PTPN20: variants seen among roughly 807,000 people sequenced by gnomAD.
PTPN20 encodes protein tyrosine phosphatase non-receptor type 20.
A neutral mutation model predicts 35.0 loss-of-function variants in PTPN20; 9 were observed. The ratio of observed to expected loss-of-function variants is 0.26; its 90% CI spans 0.15 to 0.45. The LOEUF is 0.45. Ranked by LOEUF, PTPN20 falls within the 20% of genes least tolerant of loss-of-function variation. PTPN20 has a pLI of 1.00. For synonymous variants in PTPN20, 32 were observed against 100.2 expected (o/e 0.32, Z 4.06); for missense variants, 111 against 312.5 (o/e 0.36, Z 4.86).
intron 2 of PTPN20, among the ~76,000 whole-genome samples, chr10:46,940,075 A>G (rs1257577290): frequency 2.0e-4 from 31 of 151,814 alleles, no homozygotes; most frequent in African/African-American, 5.3e-4. Flanking sequence ...TAAAATTAAC[A>G]CAGTAATTAG....
intron 9 of PTPN20, among the ~76,000 whole-genome samples, chr10:46,999,564 G>C (rs1370412278): frequency 1.3e-5 from 2 of 152,200 alleles, no homozygotes; most frequent in Non-Finnish European, 2.9e-5. Context: ...ATAAGAAACA[G>C]ATATGCTATT....
At chr10:46,933,834 G>T (rs1247859857) in intron 2 of PTPN20, among the ~76,000 whole-genome samples, 1 of 103,676 alleles carries the variant, frequency 9.6e-6, no homozygotes, top group South Asian at 3.6e-4. Context: ...TTTTTTTTTT[G>T]TTGTTGTTTG....
At chr10:46,948,703 CT>C (rs1182489677) in intron 5 of PTPN20, among the ~76,000 whole-genome samples, 1 of 152,028 alleles carries the variant, frequency 6.6e-6, no homozygotes, top group African/African-American at 2.4e-5. Context: ...TTTAGAAGGG[CT>C]TTCTTTCCTT....
rs922391336 is a variant in PTPN20 at position 47,001,097 on chromosome 10, A to T, written c.*356A>T. ...TTTATTTGGAAAGGTGGCTGGAGAG[A>T]GCTGAGGATTTCCAGGACTTTGTAA... is the stretch of plus-strand genomic sequence containing the variant. On this transcript the variant is annotated 3_prime_UTR_variant, in exon 11 of 11. Transcript: ENST00000374339. 7.1e-5 allele frequency: 21 copies of T among 296,476 alleles called. No individual in the cohort carries two copies. Among genetic ancestry groups the T allele is most frequent in the Non-Finnish European group, 1.1e-4 (18 of 157,050 alleles). The allele number at this position is 296,476 out of a possible 1,614,324, so 18.4% of individuals were successfully genotyped here.
intron 5 of PTPN20, among the ~76,000 whole-genome samples, chr10:46,958,911 G>C (rs1470252447): frequency 6.6e-6 from 1 of 151,700 alleles, no homozygotes; most frequent in Non-Finnish European, 1.5e-5. Flanking sequence ...TGTGATACCA[G>C]TGTTTTAAAA....
At chr10:46,953,762 A>G (rs2047561311) in intron 5 of PTPN20, among the ~76,000 whole-genome samples, 2 of 147,928 alleles carry the variant, frequency 1.4e-5, no homozygotes, top group South Asian at 2.1e-4. Flanking sequence ...GATAAGCCCA[A>G]CTTTGTGATG....
intron 9 of PTPN20, among the ~76,000 whole-genome samples, chr10:46,994,618 G>A (rs1156697749): frequency 6.6e-6 from 1 of 152,118 alleles, no homozygotes; most frequent in Admixed American, 6.5e-5. Flanking sequence ...ACAAGCGTGA[G>A]CCACCGCGCC....
At chr10:46,927,879 A>G (rs1555115089) in intron 1 of PTPN20, among the ~76,000 whole-genome samples, 1 of 151,482 alleles carries the variant, frequency 6.6e-6, no homozygotes, top group Non-Finnish European at 1.5e-5. Context: ...GAAGGAGGGA[A>G]GAAAAGAAGT....
intron 9 of PTPN20, among the ~76,000 whole-genome samples, chr10:46,995,658 C>G (rs368486981): frequency 0.12 from 18,912 of 152,064 alleles, 1,919 homozygotes; most frequent in African/African-American, 0.29. Flanking sequence ...GTTTCTGACT[C>G]TTCTCAGGGT....
At chr10:46,981,373 AC>A (rs1342279865) in intron 7 of PTPN20, 2 of 147,244 alleles carry the variant, frequency 1.4e-5, no homozygotes, top group Non-Finnish European at 3.0e-5. Context: ...GAGCTCAGCA[AC>A]ATGGACTTCC....
intron 7 of PTPN20, among the ~76,000 whole-genome samples, chr10:46,983,227 C>T (rs1162460971): frequency 6.6e-6 from 1 of 151,948 alleles, no homozygotes; most frequent in Non-Finnish European, 1.5e-5. Flanking sequence ...TAGATGTGAG[C>T]CACCGCGCCT....
chr10:46,994,730 A>G (rs1018093575), intron 9 of PTPN20, among the ~76,000 whole-genome samples: 3 of 150,352 alleles, frequency 2.0e-5, no homozygotes, highest in South Asian at 2.1e-4. Context: ...CTCTTGTTCA[A>G]CTCCCTCTTG....
intron 2 of PTPN20, 69 bp downstream of exon 2, chr10:46,932,602 G>C: frequency 6.4e-7 from 1 of 1,571,324 alleles, no homozygotes; most frequent in Admixed American, 1.7e-5. Context: ...TCAGACTGTA[G>C]ATTTGCATAG....
intron 9 of PTPN20, among the ~76,000 whole-genome samples, chr10:46,995,782 T>C: frequency 6.6e-6 from 1 of 152,190 alleles, no homozygotes; most frequent in East Asian, 1.9e-4. Context: ...GGTATAGAAA[T>C]CATGAATCAG....
chr10:47,000,156 C>T (rs1555184472), intron 10 of PTPN20, among the ~76,000 whole-genome samples, 182 bp downstream of exon 10: 1 of 152,154 alleles, frequency 6.6e-6, no homozygotes, highest in African/African-American at 2.4e-5. Flanking sequence ...AAATTCAGAG[C>T]AATAAAGCCT....
At chr10:46,990,335 T>TG (rs1413484848) in intron 9 of PTPN20, among the ~76,000 whole-genome samples, 5 of 114,870 alleles carry the variant, frequency 4.4e-5, no homozygotes, top group Non-Finnish European at 7.1e-5. Context: ...ATTGTGTCAC[T>TG]GCACTCCAGC....
At chr10:46,997,080 C>T (rs1050588347) in intron 9 of PTPN20, among the ~76,000 whole-genome samples, 13 of 152,174 alleles carry the variant, frequency 8.5e-5, no homozygotes, top group Non-Finnish European at 1.2e-4. Context: ...GATATCTTTA[C>T]TGTATTGAAT....
At chr10:46,963,571 T>G (rs1555158145) in intron 5 of PTPN20, among the ~76,000 whole-genome samples, 2 of 91,042 alleles carry the variant, frequency 2.2e-5, no homozygotes, top group Non-Finnish European at 3.9e-5. Context: ...TCCTTATACT[T>G]CTTTGTTTAT....
rs1361600457 is a variant in PTPN20, at chr10:46,984,077, C to T, written c.584-153C>T. On this transcript the variant is annotated intron_variant, in intron 7 of 10. Coordinates refer to ENST00000374339, the MANE Select transcript of PTPN20 (RefSeq NM_001042357.5). ...TTTCAGGGAGGAAATAATTTAAACTCATGGACTCAACCATTTTGAAAAGAA... is the reference window on the plus strand; with the variant it reads ...TTTCAGGGAGGAAATAATTTAAACTTATGGACTCAACCATTTTGAAAAGAA... 6.6e-5 allele frequency among the ~76,000 whole-genome samples: 10 copies of T among 152,170 alleles called. 1 individual carries two copies. The East Asian group carries it at 1.9e-3, about 29-fold the overall frequency.
Sources: allele counts gnomAD v4.1 joint callset (sites outside exome capture counted in the v4.1 genomes callset), GRCh38; gene constraint gnomAD v4.1.1; transcripts MANE v1.5; gene names NCBI Gene and HGNC (gene_info 2026-07-23, HGNC 2026-07-21).